SMAD6: variants seen among roughly 807,000 people sequenced by gnomAD.
The protein encoded by SMAD6 is MAD homolog 6.
A neutral mutation model predicts 39.4 loss-of-function variants in SMAD6; 103 were observed. That is an observed-to-expected ratio of 2.62 (90% CI 2.23 to 3.08). The LOEUF (loss-of-function observed/expected upper bound fraction) is 3.08. Ranked by LOEUF, SMAD6 falls within the 30% of genes most tolerant of loss-of-function variation. The pLI is 0.00. For synonymous variants in SMAD6, 445 were observed against 353.3 expected (o/e 1.26, Z -2.91); for missense variants, 1,104 against 742.9 (o/e 1.49, Z -5.65).
At chr15:66,715,764 TA>T (rs55742236) in intron 2 of SMAD6, among the ~76,000 whole-genome samples, 1,444 of 102,984 alleles carry the variant, frequency 0.014, 9 homozygotes, top group South Asian at 0.053. Context: ...TAAAACTACT[TA>T]AAAAAAAAAA....
intron 2 of SMAD6, among the ~76,000 whole-genome samples, chr15:66,714,770 T>C (rs1893295227): frequency 6.6e-6 from 1 of 152,020 alleles, no homozygotes; most frequent in Admixed American, 6.5e-5. Context: ...CTAGAAACAC[T>C]AGATGTGAGG....
intron 3 of SMAD6, among the ~76,000 whole-genome samples, chr15:66,766,687 T>G (rs1318126456): frequency 6.6e-6 from 1 of 152,216 alleles, no homozygotes; most frequent in East Asian, 1.9e-4. Context: ...AAGGCTTCTG[T>G]GTGATTCAGG....
Position 66,781,384 on chromosome 15 carries a change from A to T in SMAD6, c.1340A>T (p.Gln447Leu). 6.2e-7 allele frequency: 1 copy of T among 1,601,954 alleles called. No homozygotes were observed. Residue 447 changes from glutamine to leucine, a missense_variant, in exon 4 of 4, where the codon CAG (glutamine) becomes CTG (leucine). By Grantham distance (113) the Gln-to-Leu change is moderately radical. Coordinates refer to ENST00000288840, the MANE Select transcript of SMAD6 (RefSeq NM_005585.5). ...KVFDFERSGLQHAPEPDAADG... is the reference protein window; with the variant it reads ...KVFDFERSGLLHAPEPDAADG... ...TTCGACTTCGAGCGCTCGGGCCTGC[A>T]GCACGCGCCCGAGCCCGACGCCGCC...
At chr15:66,776,371 C>T (rs750633761) in intron 3 of SMAD6, among the ~76,000 whole-genome samples, 1 of 152,192 alleles carries the variant, frequency 6.6e-6, no homozygotes, top group Non-Finnish European at 1.5e-5. Context: ...CCAGAGTTTC[C>T]AGAAAATTCA....
At chr15:66,728,703 C>T (rs1893568125) in intron 3 of SMAD6, among the ~76,000 whole-genome samples, 1 of 152,310 alleles carries the variant, frequency 6.6e-6, no homozygotes, top group South Asian at 2.1e-4. Context: ...CTACACCTGG[C>T]CTCATCCATA....
chr15:66,749,151 C>G (rs1893956083), intron 3 of SMAD6, among the ~76,000 whole-genome samples: 1 of 152,024 alleles, frequency 6.6e-6, no homozygotes, highest in Non-Finnish European at 1.5e-5. Flanking sequence ...ATGGCAAAAC[C>G]CCGTCTCTAC....
intron 3 of SMAD6, among the ~76,000 whole-genome samples, chr15:66,774,779 C>T (rs1894437255): frequency 6.6e-6 from 1 of 152,142 alleles, no homozygotes; most frequent in Middle Eastern, 3.2e-3. Context: ...CTGGAAAGTT[C>T]TCTTGTGCCT....
At position 66,781,543 on chromosome 15, in the gene SMAD6, C is replaced by G; in HGVS notation, c.*8C>G. The G allele has an allele frequency of 6.7e-7, 1 of 1,499,768 alleles. No homozygotes were observed. Among genetic ancestry groups the G allele is most frequent in the Non-Finnish European group, 8.8e-7 (1 of 1,131,248 alleles). 92.9% of individuals were successfully genotyped at this position (1,499,768 alleles called of 1,614,324 possible). ...CTCAACAACCCCAGATAGTGGCGGC[C>G]CCGGCGGGAGGGGCGGGTGGGAGGC... On this transcript the variant is annotated 3_prime_UTR_variant, in exon 4 of 4. Coordinates refer to ENST00000288840, the MANE Select transcript of SMAD6 (RefSeq NM_005585.5).
At chr15:66,780,939 C>G in intron 3 of SMAD6, 58 bp from the exon 4 acceptor site, 18 of 1,477,044 alleles carry the variant, frequency 1.2e-5, no homozygotes, top group Non-Finnish European at 1.6e-5. Context: ...CTCCGCTCCT[C>G]GGTGCCTCCC....
intron 3 of SMAD6, chr15:66,740,618 A>G (rs1893796786): frequency 6.6e-6 from 1 of 152,166 alleles, no homozygotes; most frequent in Non-Finnish European, 1.5e-5. Context: ...CCAAGAGATT[A>G]TATGCCAGGT....
intron 1 of SMAD6, chr15:66,708,711 A>C (rs756262890): frequency 5.1e-5 from 24 of 471,626 alleles, no homozygotes; most frequent in South Asian, 3.7e-4. Flanking sequence ...TGAAATGTCC[A>C]GAATGGGCAA....
chr15:66,748,243 GAA>G (rs758483091), intron 3 of SMAD6, among the ~76,000 whole-genome samples: 35 of 151,250 alleles, frequency 2.3e-4, no homozygotes, highest in African/African-American at 8.0e-4. Flanking sequence ...GCCCCAGAGA[GAA>G]GAGTGGTTAG....
chr15:66,771,619 A>T (rs2140670100), intron 3 of SMAD6, among the ~76,000 whole-genome samples: 1 of 152,280 alleles, frequency 6.6e-6, no homozygotes, highest in South Asian at 2.1e-4. Context: ...AAGAGAGCTA[A>T]GGGAGCATAT....
chr15:66,768,054 C>T (rs988345735), intron 3 of SMAD6, among the ~76,000 whole-genome samples: 1 of 147,710 alleles, frequency 6.8e-6, no homozygotes, highest in Non-Finnish European at 1.5e-5. Context: ...ACTGCAGCCT[C>T]GGCTTCCGAG....
intron 1 of SMAD6, among the ~76,000 whole-genome samples, chr15:66,710,772 G>A (rs1893211209): frequency 7.5e-6 from 1 of 133,552 alleles, no homozygotes; most frequent in Admixed American, 8.5e-5. Context: ...TTAAGGAGAA[G>A]TATTTTAGGC....
At chr15:66,718,291 A>C (rs1388524455) in intron 3 of SMAD6, among the ~76,000 whole-genome samples, 1 of 152,148 alleles carries the variant, frequency 6.6e-6, no homozygotes, top group Non-Finnish European at 1.5e-5. Flanking sequence ...CTCTCCCTCA[A>C]TCCAGAGGCT....
chr15:66,725,210 A>G (rs1226762521), intron 3 of SMAD6, among the ~76,000 whole-genome samples: 1 of 152,192 alleles, frequency 6.6e-6, no homozygotes, highest in Non-Finnish European at 1.5e-5. Context: ...TTGGCTGCCA[A>G]GGGAAGCAGA....
Position 66,781,224 on chromosome 15 carries a change from A to G in SMAD6, c.1180A>G (p.Ser394Gly), listed in dbSNP as rs1235099986. 1 of 1,608,872 alleles carries G rather than the reference A, an allele frequency of 6.2e-7. No individual in the cohort carries two copies. The highest frequency in any genetic ancestry group is 1.1e-5 in the South Asian group (1 of 91,072). Residue 394 changes from serine (S) to glycine (G), a missense_variant, in exon 4 of 4, where the codon AGC (serine) becomes GGC (glycine). Ser to Gly is a moderately conservative substitution (Grantham distance 56, BLOSUM62 0). Coordinates refer to ENST00000288840, the MANE Select transcript of SMAD6 (RefSeq NM_005585.5). ...RSKIGFGILL[S>G]KEPDGVWAYN... ...CAAGATCGGCTTCGGCATCCTGCTC[A>G]GCAAGGAGCCCGACGGCGTGTGGGC... is the stretch of plus-strand genomic sequence containing the variant.
At chr15:66,726,358 A>T (rs918576266) in intron 3 of SMAD6, among the ~76,000 whole-genome samples, 20 of 152,196 alleles carry the variant, frequency 1.3e-4, no homozygotes, top group African/African-American at 4.8e-4. Flanking sequence ...CAGACTGCAC[A>T]GAGAGGCCAA....
Sources: gnomAD v4.1 joint callset for allele counts (sites outside exome capture counted in the v4.1 genomes callset) on GRCh38, gnomAD v4.1.1 for gene constraint, MANE v1.5 for transcripts, NCBI Gene and HGNC (gene_info 2026-07-23, HGNC 2026-07-21) for gene names.